Variants in RNF217 observed in about 807,000 individuals in gnomAD.
RNF217 encodes the protein E3 ubiquitin-protein ligase RNF217.
A neutral mutation model predicts 57.8 loss-of-function variants in RNF217; 31 were observed. The ratio of observed to expected loss-of-function variants is 0.54; its 90% CI spans 0.40 to 0.72. The LOEUF is 0.72. Among genes scored for constraint, RNF217 ranks in the 30% least tolerant of loss-of-function variants. The pLI is 0.00. For missense variants in RNF217, 696 were observed against 708.3 expected (o/e 0.98, Z 0.20); for synonymous variants, 313 against 294.0 (o/e 1.06, Z -0.66).
Position 124,963,117 on chromosome 6 carries a change from T to C in RNF217, c.573T>C (p.Ala191=). ...QLSPPASPPG[A]PPVLNPPSTR... ...CGCCGCCCGCGTCGCCACCTGGGGC[T>C]CCGCCAGTGTTGAACCCTCCCAGCA... The change falls in exon 1 of 6, where the codon GCT becomes GCC. Residue 191 remains alanine, a synonymous_variant. Coordinates refer to ENST00000521654, the MANE Select transcript of RNF217 (RefSeq NM_001286398.3). 1.3e-6 allele frequency: 2 copies of C among 1,536,462 alleles called. No individual in the cohort carries two copies. The highest frequency in any genetic ancestry group is 8.7e-7 in the Non-Finnish European group (1 of 1,147,480).
chr6:124,968,198 A>G (rs973486049), intron 1 of RNF217, among the ~76,000 whole-genome samples: 1 of 152,228 alleles, frequency 6.6e-6, no homozygotes, highest in East Asian at 1.9e-4. Context: ...AGAACCTGTC[A>G]TGCCCGGTGT....
chr6:125,031,756 A>C (rs1786371259), intron 1 of RNF217, among the ~76,000 whole-genome samples: 1 of 152,158 alleles, frequency 6.6e-6, no homozygotes, highest in Non-Finnish European at 1.5e-5. Flanking sequence ...TCTTCTTCTG[A>C]GCCCTCCAAG....
chr6:124,993,946 C>T (rs1468132258), intron 1 of RNF217, among the ~76,000 whole-genome samples: 2 of 152,018 alleles, frequency 1.3e-5, no homozygotes, highest in Non-Finnish European at 2.9e-5. Context: ...GGAATTGAGG[C>T]CTTTATTCTG....
At chr6:124,986,413 C>T (rs987882754) in intron 1 of RNF217, among the ~76,000 whole-genome samples, 6 of 152,194 alleles carry the variant, frequency 3.9e-5, no homozygotes, top group African/African-American at 1.4e-4. Context: ...CTTAAGCTGT[C>T]CTTTGGGTTT....
At chr6:125,007,649 G>T (rs749644448) in intron 1 of RNF217, among the ~76,000 whole-genome samples, 6 of 152,136 alleles carry the variant, frequency 3.9e-5, no homozygotes, top group African/African-American at 1.2e-4. Context: ...GGTGACTAAT[G>T]CTTCTAACAT....
At chr6:124,984,614 G>A (rs1240860539) in intron 1 of RNF217, among the ~76,000 whole-genome samples, 1 of 151,714 alleles carries the variant, frequency 6.6e-6, no homozygotes, top group Admixed American at 6.6e-5. Flanking sequence ...AAGGTGCAAG[G>A]ATGGTAGGCT....
intron 1 of RNF217, among the ~76,000 whole-genome samples, chr6:124,977,341 G>A (rs1784005262): frequency 6.6e-6 from 1 of 152,090 alleles, no homozygotes; most frequent in African/African-American, 2.4e-5. Flanking sequence ...GCCTGTATGA[G>A]GTGTCTTTTC....
intron 1 of RNF217, among the ~76,000 whole-genome samples, chr6:125,038,165 T>G (rs1276662124): frequency 6.6e-6 from 1 of 152,188 alleles, no homozygotes; most frequent in Admixed American, 6.6e-5. Flanking sequence ...ATTTTTTCCT[T>G]TCAAGCATGG....
chr6:124,970,535 T>C (rs1783724656), intron 1 of RNF217, among the ~76,000 whole-genome samples: 1 of 152,180 alleles, frequency 6.6e-6, no homozygotes, highest in Non-Finnish European at 1.5e-5. Context: ...ATGAGAAATT[T>C]GATGTGCCTT....
rs576608119 is a variant in RNF217, at chr6:125,019,836, G to C, written c.883-25375G>C. Among the ~76,000 whole-genome samples the C allele has an allele frequency of 1.8e-3, 269 of 150,736 alleles. 5 individuals carry two copies. The highest frequency in any genetic ancestry group is 6.8e-3 in the Middle Eastern group (2 of 294). ...CTTGATGTCCCCTTTTTTGCAGTGG[G>C]GGGGGAGTGAAAAAATCCTTTATTA... On this transcript the variant is annotated intron_variant, in intron 1 of 5. Transcript: ENST00000521654.
intron 1 of RNF217, among the ~76,000 whole-genome samples, chr6:125,008,090 A>G (rs1785261533): frequency 6.6e-6 from 1 of 151,956 alleles, no homozygotes; most frequent in Non-Finnish European, 1.5e-5. Flanking sequence ...CCCCGTCTCT[A>G]CTAAAAATAC....
intron 1 of RNF217, among the ~76,000 whole-genome samples, chr6:125,020,993 C>T (rs551999603): frequency 5.9e-5 from 9 of 152,124 alleles, no homozygotes; most frequent in Admixed American, 3.3e-4. Context: ...TATCATGGAA[C>T]GTAAATAAAC....
intron 1 of RNF217, among the ~76,000 whole-genome samples, chr6:125,002,646 A>G (rs1299610122): frequency 6.6e-6 from 1 of 151,978 alleles, no homozygotes; most frequent in African/African-American, 2.4e-5. Context: ...CTGGCCCCGT[A>G]TGTTCCTGTT....
At chr6:124,964,616 A>G (rs1783459536) in intron 1 of RNF217, among the ~76,000 whole-genome samples, 1 of 152,328 alleles carries the variant, frequency 6.6e-6, no homozygotes, top group African/African-American at 2.4e-5. Context: ...CTAAAAATGC[A>G]AACAAAGACT....
In RNF217 at chr6:125,088,349, C is replaced by G. The variant is rs1788834327; in HGVS notation, c.*5412C>G. On this transcript the variant is annotated 3_prime_UTR_variant, in exon 6 of 6. Transcript: ENST00000521654. Reference sequence around the variant, plus strand: ...TTTAAGAAAGAATTACAGTGGGACTCCTTTGAAACTCTGATTTTGAAAATA... The same window carrying G: ...TTTAAGAAAGAATTACAGTGGGACTGCTTTGAAACTCTGATTTTGAAAATA... The G allele has an allele frequency of 6.6e-6, 1 of 152,102 alleles. No individual in the cohort carries two copies. The highest frequency in any genetic ancestry group is 1.9e-4 in the East Asian group (1 of 5,190). 9.4% of individuals were successfully genotyped at this position (152,102 alleles called of 1,614,324 possible).
intron 1 of RNF217, among the ~76,000 whole-genome samples, chr6:125,011,994 C>A (rs1278431737): frequency 6.6e-6 from 1 of 152,006 alleles, no homozygotes; most frequent in Non-Finnish European, 1.5e-5. Flanking sequence ...TCAAAAGCCA[C>A]TTTCTACTTT....
chr6:125,058,283 G>A (rs142767250), intron 3 of RNF217, among the ~76,000 whole-genome samples, 177 bp downstream of exon 3: 68 of 152,114 alleles, frequency 4.5e-4, no homozygotes, highest in African/African-American at 1.6e-3. Context: ...TATAAACCAT[G>A]TATATTCTTA....
chr6:125,045,327 C>G lies in RNF217; in HGVS notation c.999C>G (p.Phe333Leu). ...THEDSIKYKY[F>L]LELGRIDSST... ...AAGACTCCATCAAGTATAAGTACTT[C>G]TTGGAACTTGGCCGTATTGATTCCA... The change falls in exon 2 of 6, where the codon TTC becomes TTG. Residue 333 changes from phenylalanine to leucine, a missense_variant. Around this residue, in one of 2 missense-constraint regions of RNF217, gnomAD observed 231 missense variants for 321.4 expected, o/e 0.72. Transcript: ENST00000521654. 1 of 1,613,286 alleles carries G rather than the reference C, an allele frequency of 6.2e-7. No individual in the cohort carries two copies. Among genetic ancestry groups the G allele is most frequent in the South Asian group, 1.1e-5 (1 of 91,066 alleles).
intron 3 of RNF217, among the ~76,000 whole-genome samples, chr6:125,073,027 C>G (rs1788209326): frequency 3.3e-5 from 5 of 152,330 alleles, no homozygotes; most frequent in Admixed American, 6.5e-5. Context: ...AATTAGCGCT[C>G]TTTCCTTGGT....
Sources: gnomAD v4.1 joint callset for allele counts (sites outside exome capture counted in the v4.1 genomes callset) on GRCh38, gnomAD v4.1.1 for gene constraint, gnomAD v4.1.1 regional missense constraint, MANE v1.5 for transcripts, NCBI Gene and HGNC (gene_info 2026-07-23, HGNC 2026-07-21) for gene names.